EN2: variants seen among roughly 807,000 people sequenced by gnomAD.
EN2 encodes homeobox protein engrailed-2.
EN2 carries 7 observed loss-of-function variants against 25.0 expected under a neutral mutation model. That is an observed-to-expected ratio of 0.28 (90% CI 0.16 to 0.53). The LOEUF is 0.53. Among genes scored for constraint, EN2 ranks in the 20% least tolerant of loss-of-function variants. EN2 has a pLI of 0.96. For missense variants in EN2, 524 were observed against 501.8 expected, an observed-to-expected ratio of 1.04 and a Z score of -0.42; for synonymous variants, 277 against 243.3, an observed-to-expected ratio of 1.14 and a Z score of -1.29.
Position 155,458,507 on chromosome 7 carries a change from C to T in EN2, c.130C>T (p.Arg44Cys). The T allele has an allele frequency of 7.5e-7, 1 of 1,325,998 alleles. No individual in the cohort carries two copies. Among genetic ancestry groups the T allele is most frequent in the South Asian group, 2.4e-5 (1 of 42,324 alleles). The allele number at this position is 1,325,998 out of a possible 1,614,324, so 82.1% of individuals were successfully genotyped here. ...GSSPGEADTG[R>C]RRALMLPAVL... The stretch of plus-strand genomic sequence containing the variant: ...CAGCCCGGGCGAAGCGGACACCGGG[C>T]GCCGGCGGGCTCTGATGCTGCCCGC... Residue 44 changes from arginine to cysteine, a missense_variant, in exon 1 of 2, where the codon CGC becomes TGC. Arg to Cys is a radical substitution (Grantham distance 180). Coordinates refer to ENST00000297375, the MANE Select transcript of EN2 (RefSeq NM_001427.4).
rs190624074 is a variant in EN2 at position 155,461,151 on chromosome 7, G to T, written c.686-1220G>T. 3.4e-3 allele frequency among the ~76,000 whole-genome samples: 514 copies of T among 152,280 alleles called. 4 individuals are homozygous for T. Among genetic ancestry groups the T allele is most frequent in the African/African-American group, 0.012 (500 of 41,552 alleles). The stretch of plus-strand genomic sequence containing the variant: ...CATTCCTCTTCTCCTCAGTGTGCCC[G>T]GCAGCTCTCCGGCCCTGAAGGGTGG... On this transcript the variant is annotated intron_variant, in intron 1 of 1. Coordinates refer to ENST00000297375, the MANE Select transcript of EN2 (RefSeq NM_001427.4).
chr7:155,463,714 C>A lies in EN2; in HGVS notation c.*1027C>A, dbSNP rs990151070. On this transcript the variant is annotated 3_prime_UTR_variant, in exon 2 of 2. Transcript: ENST00000297375. ...TAAAGCCCAAGAGCGGTGGGGCGAC[C>A]CTCCTTTTGGCTTGGCCCCAGGAAT... The A allele has an allele frequency of 6.6e-6, 1 of 152,166 alleles. No homozygotes were observed. The highest frequency in any genetic ancestry group is 2.4e-5 in the African/African-American group (1 of 41,416). The allele number at this position is 152,166 out of a possible 1,614,324, so 9.4% of individuals were successfully genotyped here.
Position 155,458,190 on chromosome 7 carries a change from A to G in EN2, c.-188A>G. The G allele has an allele frequency of 1.5e-6, 1 of 673,830 alleles. No homozygotes were observed. The highest frequency in any genetic ancestry group is 2.1e-6 in the Non-Finnish European group (1 of 471,928). The allele number at this position is 673,830 out of a possible 1,614,324, so 41.7% of individuals were successfully genotyped here. ...GTTTCTAACCCAGTTCGTGGATTCA[A>G]AGGTGGCTCCGCGCCGAGCGCGGCC... On this transcript the variant is annotated 5_prime_UTR_variant, in exon 1 of 2. Coordinates refer to ENST00000297375, the MANE Select transcript of EN2 (RefSeq NM_001427.4).
chr7:155,458,654 G>A lies in EN2; in HGVS notation c.277G>A (p.Gly93Arg). The change falls in exon 1 of 2, where the codon GGA becomes AGA. Residue 93 changes from glycine (G) to arginine (R), a missense_variant. Coordinates refer to ENST00000297375, the MANE Select transcript of EN2 (RefSeq NM_001427.4). ...CGCGGGGACCTGCTGTGCGGGCGCG[G>A]GAGGAGGAAGGGGCGGCGGAGCCGG... Reference protein sequence around the residue: ...KDAGTCCAGAGGGRGGGAGGE... With the variant: ...KDAGTCCAGARGGRGGGAGGE... The A allele has an allele frequency of 1.4e-6, 2 of 1,398,300 alleles. No individual in the cohort carries two copies. Among genetic ancestry groups the A allele is most frequent in the African/African-American group, 3.0e-5 (2 of 65,850 alleles). The allele number at this position is 1,398,300 out of a possible 1,614,324, so 86.6% of individuals were successfully genotyped here. A position where few individuals can be genotyped will look rare whatever the true frequency, so the allele number is the denominator to read the frequency against.
In EN2 at chr7:155,463,546, A is replaced by G. The variant is rs1795724179; in HGVS notation, c.*859A>G. On this transcript the variant is annotated 3_prime_UTR_variant, in exon 2 of 2. Transcript: ENST00000297375. ...CCTCACCAAGGGCCCAACCGTGTGC[A>G]TACATCGTCTGCGTCTGTGGTCTGT... The G allele has an allele frequency of 6.6e-6, 1 of 151,050 alleles. No homozygotes were observed. Among genetic ancestry groups the G allele is most frequent in the Admixed American group, 6.6e-5 (1 of 15,110 alleles). 9.4% of individuals were successfully genotyped at this position (151,050 alleles called of 1,614,324 possible).
rs769434034 is a variant in EN2 at position 155,462,447 on chromosome 7, G to A, written c.762G>A (p.Glu254=). 1.9e-6 allele frequency: 3 copies of A among 1,614,060 alleles called. No homozygotes were observed. Among genetic ancestry groups the A allele is most frequent in the South Asian group, 2.2e-5 (2 of 91,086 alleles). Residue 254 remains glutamate, a synonymous_variant, in exon 2 of 2, where the codon GAG becomes GAA. Transcript: ENST00000297375. ...DKRPRTAFTA[E]QLQRLKAEFQ... is the part of the protein sequence containing the mutation. ...GGCCGCGCACGGCCTTTACCGCCGA[G>A]CAGCTGCAGAGGCTCAAGGCCGAGT...
rs1417566824 is a variant in EN2 at position 155,463,022 on chromosome 7, A to G, written c.*335A>G. 1 of 184,198 alleles carries G rather than the reference A, an allele frequency of 5.4e-6. No homozygotes were observed. Among genetic ancestry groups the G allele is most frequent in the Admixed American group, 6.1e-5 (1 of 16,378 alleles). 11.4% of individuals were successfully genotyped at this position (184,198 alleles called of 1,614,324 possible). On this transcript the variant is annotated 3_prime_UTR_variant, in exon 2 of 2. Coordinates refer to ENST00000297375, the MANE Select transcript of EN2 (RefSeq NM_001427.4). ...ACATTGGACACTTTTTTATTATTCC[A>G]AAAGAAGAAAAAATTAAAACAACTT...
chr7:155,459,801 TAGAA>T (rs1208630143), intron 1 of EN2, among the ~76,000 whole-genome samples: 6 of 152,278 alleles, frequency 3.9e-5, no homozygotes, highest in Non-Finnish European at 7.4e-5. Flanking sequence ...CATCCCCAAA[TAGAA>T]AGGACCTTCT....
At position 155,462,615 on chromosome 7, in the gene EN2, C is replaced by G. The variant is rs56008230; in HGVS notation, c.930C>G (p.Ala310=). 1.2e-6 allele frequency: 2 copies of G among 1,613,630 alleles called. No individual in the cohort carries two copies. The highest frequency in any genetic ancestry group is 1.7e-6 in the Non-Finnish European group (2 of 1,179,864). The change falls in exon 2 of 2, where the codon GCC becomes GCG. Residue 310 remains alanine (A), a synonymous_variant. Transcript: ENST00000297375. ...CCACGGGCAACAAGAACACGCTGGC[C>G]GTGCACCTCATGGCACAGGGCTTGT... ...KKATGNKNTL[A]VHLMAQGLYN... is the part of the protein sequence containing the mutation.
At position 155,458,923 on chromosome 7, in the gene EN2, G is replaced by A; in HGVS notation, c.546G>A (p.Lys182=). 3 of 1,516,668 alleles carry A rather than the reference G, an allele frequency of 2.0e-6. No homozygotes were observed. Among genetic ancestry groups the A allele is most frequent in the East Asian group, 2.6e-5 (1 of 37,980 alleles). 94.0% of individuals were successfully genotyped at this position (1,516,668 alleles called of 1,614,324 possible). The change falls in exon 1 of 2, where the codon AAG becomes AAA. Residue 182 remains lysine, a synonymous_variant. Coordinates refer to ENST00000297375, the MANE Select transcript of EN2 (RefSeq NM_001427.4). ...GCGGCCCCCTGGACGGGTCGCTCAAGGCCCGCGGCTTGGGCGGCGGCGACC... is the reference window on the plus strand; with the variant it reads ...GCGGCCCCCTGGACGGGTCGCTCAAAGCCCGCGGCTTGGGCGGCGGCGACC... ...DPGGPLDGSL[K]ARGLGGGDLS... is the part of the protein sequence containing the mutation.
At position 155,458,235 on chromosome 7, in the gene EN2, G is replaced by A; in HGVS notation, c.-143G>A. On this transcript the variant is annotated 5_prime_UTR_variant, in exon 1 of 2. Transcript: ENST00000297375. ...GCGGCCGGCGACTTGTAGGACCTCA[G>A]CCCTGGCCGCGGCCGCCGCGCACGC... 2 of 1,150,796 alleles carry A rather than the reference G, an allele frequency of 1.7e-6. No individual in the cohort carries two copies. Among genetic ancestry groups the A allele is most frequent in the Non-Finnish European group, 1.1e-6 (1 of 903,836 alleles). 71.3% of individuals were successfully genotyped at this position (1,150,796 alleles called of 1,614,324 possible). A position where few individuals can be genotyped will look rare whatever the true frequency, so the allele number is the denominator to read the frequency against.
intron 1 of EN2, 105 bp downstream of exon 1, chr7:155,459,167 T>G (rs1418504231): frequency 1.7e-6 from 2 of 1,210,630 alleles, no homozygotes; most frequent in Non-Finnish European, 2.2e-6. Context: ...ATCTCGAACC[T>G]CCCCCGCGCA....
rs1449044890 is a variant in EN2, at chr7:155,464,503, T to TAA, written c.*1816_*1817insAA. The TAA allele has an allele frequency of 6.6e-6, 1 of 152,666 alleles. No individual in the cohort carries two copies. Among genetic ancestry groups the TAA allele is most frequent in the Non-Finnish European group, 1.5e-5 (1 of 68,048 alleles). The allele number at this position is 152,666 out of a possible 1,614,324, so 9.5% of individuals were successfully genotyped here. A position where few individuals can be genotyped will look rare whatever the true frequency, so the allele number is the denominator to read the frequency against. On this transcript the variant is annotated 3_prime_UTR_variant, in exon 2 of 2. Transcript: ENST00000297375. Reference sequence around the variant, plus strand: ...TACGTTGTACATAATAGTGTAAACCTTTTTAAAAAGGAAAGTATAAAAACA... The same window carrying TAA: ...TACGTTGTACATAATAGTGTAAACCTAATTTTAAAAAGGAAAGTATAAAAACA...
At position 155,463,589 on chromosome 7, in the gene EN2, C is replaced by T. The variant is rs1231223905; in HGVS notation, c.*902C>T. On this transcript the variant is annotated 3_prime_UTR_variant, in exon 2 of 2. Transcript: ENST00000297375. Reference sequence around the variant, plus strand: ...TGGTCTGTGTCGCTGTCCCCAGTCCCACCGCAGTCCTGCCGCAGGCCTAAC... The same window carrying T: ...TGGTCTGTGTCGCTGTCCCCAGTCCTACCGCAGTCCTGCCGCAGGCCTAAC... The T allele has an allele frequency of 6.6e-6, 1 of 152,036 alleles. No homozygotes were observed. The highest frequency in any genetic ancestry group is 1.5e-5 in the Non-Finnish European group (1 of 68,312). The allele number at this position is 152,036 out of a possible 1,614,324, so 9.4% of individuals were successfully genotyped here.
chr7:155,461,514 T>G (rs1418526445), intron 1 of EN2, among the ~76,000 whole-genome samples: 1 of 152,132 alleles, frequency 6.6e-6, no homozygotes, highest in African/African-American at 2.4e-5. Context: ...GAATCCCAGT[T>G]GGGAGGCACA....
rs892864304 is a variant in EN2, at chr7:155,464,488, A to G, written c.*1801A>G. Reference sequence around the variant, plus strand: ...TTGCAGTAATAGTTTTACGTTGTACATAATAGTGTAAACCTTTTTAAAAAG... The same window carrying G: ...TTGCAGTAATAGTTTTACGTTGTACGTAATAGTGTAAACCTTTTTAAAAAG... On this transcript the variant is annotated 3_prime_UTR_variant, in exon 2 of 2. Transcript: ENST00000297375. The G allele has an allele frequency of 5.2e-5, 8 of 152,650 alleles. No homozygotes were observed. Among genetic ancestry groups the G allele is most frequent in the African/African-American group, 1.9e-4 (8 of 41,462 alleles). 9.5% of individuals were successfully genotyped at this position (152,650 alleles called of 1,614,324 possible).
chr7:155,462,654 C>T lies in EN2; in HGVS notation c.969C>T (p.Thr323=), dbSNP rs1272584833. ...CACAGGGCTTGTACAACCACTCCAC[C>T]ACAGCCAAGGAGGGCAAGTCGGACA... ...LMAQGLYNHS[T]TAKEGKSDSE is the part of the protein sequence containing the mutation. Residue 323 remains threonine (T), a synonymous_variant, in exon 2 of 2, where the codon ACC becomes ACT. Coordinates refer to ENST00000297375, the MANE Select transcript of EN2 (RefSeq NM_001427.4). 2 of 1,603,446 alleles carry T rather than the reference C, an allele frequency of 1.2e-6. No individual in the cohort carries two copies. Among genetic ancestry groups the T allele is most frequent in the Non-Finnish European group, 1.7e-6 (2 of 1,174,598 alleles).
In EN2 at chr7:155,458,997, G is replaced by A; in HGVS notation, c.620G>A (p.Gly207Asp). The A allele has an allele frequency of 6.4e-7, 1 of 1,563,832 alleles. No individual in the cohort carries two copies. Among genetic ancestry groups the A allele is most frequent in the Non-Finnish European group, 8.6e-7 (1 of 1,164,960 alleles). Residue 207 changes from glycine to aspartate, a missense_variant, in exon 1 of 2, where the codon GGC (glycine) becomes GAC (aspartate). Gly to Asp is a moderately conservative substitution (Grantham distance 94). Transcript: ENST00000297375. ...AGCTCGCAAGCCGGCGCCAACCTGG[G>A]CGCGCAGCCCATGCTCTGGCCGGCG... ...SDSSQAGANL[G>D]AQPMLWPAWV... is the part of the protein sequence containing the mutation.
In EN2 at chr7:155,462,811, G is replaced by T. The variant is rs571482119; in HGVS notation, c.*124G>T. The T allele has an allele frequency of 1.7e-6, 2 of 1,181,670 alleles. No individual in the cohort carries two copies. The highest frequency in any genetic ancestry group is 2.6e-5 in the East Asian group (1 of 38,658). 73.2% of individuals were successfully genotyped at this position (1,181,670 alleles called of 1,614,324 possible). A position where few individuals can be genotyped will look rare whatever the true frequency, so the allele number is the denominator to read the frequency against. On this transcript the variant is annotated 3_prime_UTR_variant, in exon 2 of 2. Coordinates refer to ENST00000297375, the MANE Select transcript of EN2 (RefSeq NM_001427.4). ...GTGAAAATATTGTGTATTAGCTAAGGTTCTGAAATATTCTATGTATATATC... is the reference window on the plus strand; with the variant it reads ...GTGAAAATATTGTGTATTAGCTAAGTTTCTGAAATATTCTATGTATATATC...
Sources: allele counts gnomAD v4.1 joint callset (sites outside exome capture counted in the v4.1 genomes callset), GRCh38; gene constraint gnomAD v4.1.1; transcripts MANE v1.5; gene names NCBI Gene and HGNC (gene_info 2026-07-23, HGNC 2026-07-21).